Variants in C8orf34 observed in about 807,000 individuals in gnomAD.
C8orf34 encodes uncharacterized protein C8orf34.
Under a neutral mutation model 68.3 loss-of-function variants are expected in C8orf34, and 65 were observed. The ratio of observed to expected loss-of-function variants is 0.95; its 90% CI spans 0.78 to 1.17. The LOEUF is 1.17. Ranked by LOEUF, C8orf34 falls within the 50% of genes most tolerant of loss-of-function variation. The pLI is 0.00. For synonymous variants in C8orf34, 244 were observed against 241.2 expected, an observed-to-expected ratio of 1.01 and a Z score of -0.11; for missense variants, 664 against 655.4, an observed-to-expected ratio of 1.01 and a Z score of -0.14.
intron 7 of C8orf34, among the ~76,000 whole-genome samples, chr8:68,612,500 C>T (rs1302045139): frequency 6.6e-6 from 1 of 152,054 alleles, no homozygotes; most frequent in Non-Finnish European, 1.5e-5. Flanking sequence ...TCAAGAAAAA[C>T]CTTTTGATTG....
intron 3 of C8orf34, among the ~76,000 whole-genome samples, chr8:68,455,095 T>C (rs1214344792): frequency 6.6e-6 from 1 of 152,162 alleles, no homozygotes; most frequent in Non-Finnish European, 1.5e-5. Flanking sequence ...TTTATTCTTT[T>C]GTTGTCAGAG....
At chr8:68,810,546 G>A (rs1186960436) in intron 12 of C8orf34, among the ~76,000 whole-genome samples, 4 of 152,148 alleles carry the variant, frequency 2.6e-5, no homozygotes, top group African/African-American at 9.7e-5. Flanking sequence ...GTGAGTGAGG[G>A]GCATGTCTCA....
intron 5 of C8orf34, among the ~76,000 whole-genome samples, chr8:68,496,772 T>A (rs1454952172): frequency 6.6e-6 from 1 of 152,182 alleles, no homozygotes; most frequent in Non-Finnish European, 1.5e-5. Context: ...AATTGGAGAA[T>A]GTTCTGGGGA....
At chr8:68,624,470 T>C (rs1037173052) in intron 7 of C8orf34, among the ~76,000 whole-genome samples, 1 of 152,162 alleles carries the variant, frequency 6.6e-6, no homozygotes, top group African/African-American at 2.4e-5. Context: ...CCCTTAGCTC[T>C]AAATTTAGAC....
At chr8:68,780,885 G>A (rs1585872423) in intron 11 of C8orf34, among the ~76,000 whole-genome samples, 1 of 152,142 alleles carries the variant, frequency 6.6e-6, no homozygotes, top group Non-Finnish European at 1.5e-5. Flanking sequence ...TCATTTTAAC[G>A]GAAGTGATTT....
intron 8 of C8orf34, among the ~76,000 whole-genome samples, chr8:68,659,788 A>T (rs113286885): frequency 6.6e-6 from 1 of 152,176 alleles, no homozygotes; most frequent in Non-Finnish European, 1.5e-5. Context: ...GCTCTTCATG[A>T]GTCCTGTACA....
At chr8:68,526,633 T>A (rs1304391022) in intron 6 of C8orf34, among the ~76,000 whole-genome samples, 1 of 149,994 alleles carries the variant, frequency 6.7e-6, no homozygotes, top group African/African-American at 2.5e-5. Context: ...TCATGACCTC[T>A]TCAACTTCCA....
chr8:68,726,299 A>G (rs992313854), intron 10 of C8orf34, among the ~76,000 whole-genome samples: 2 of 152,200 alleles, frequency 1.3e-5, no homozygotes, highest in African/African-American at 4.8e-5. Flanking sequence ...GTAGTTTTTC[A>G]TGAGAGAAAG....
chr8:68,793,599 G>A (rs1314182246), intron 12 of C8orf34, among the ~76,000 whole-genome samples: 1 of 152,178 alleles, frequency 6.6e-6, no homozygotes, highest in East Asian at 1.9e-4. Flanking sequence ...TCACTTATAA[G>A]TGGGAGCTGA....
chr8:68,475,681 T>A (rs1211272938), intron 4 of C8orf34, among the ~76,000 whole-genome samples: 1 of 152,000 alleles, frequency 6.6e-6, no homozygotes, highest in Non-Finnish European at 1.5e-5. Context: ...TAAATAAACA[T>A]CCTAAAAGCT....
intron 8 of C8orf34, among the ~76,000 whole-genome samples, chr8:68,679,853 G>T (rs936027899): frequency 6.6e-6 from 1 of 152,134 alleles, no homozygotes; most frequent in African/African-American, 2.4e-5. Flanking sequence ...TCAATAAATG[G>T]TGCTGGGAAA....
chr8:68,526,792 C>G (rs1265494220), intron 6 of C8orf34, among the ~76,000 whole-genome samples: 1 of 151,532 alleles, frequency 6.6e-6, no homozygotes, highest in Non-Finnish European at 1.5e-5. Context: ...CCAAAAAGAA[C>G]GCATGGAATC....
intron 1 of C8orf34, among the ~76,000 whole-genome samples, chr8:68,390,587 A>G (rs1221131092): frequency 6.6e-6 from 1 of 151,968 alleles, no homozygotes; most frequent in African/African-American, 2.4e-5. Context: ...TTCTTTGGCT[A>G]TGGGAATTTT....
intron 12 of C8orf34, among the ~76,000 whole-genome samples, chr8:68,803,989 G>A (rs979407758): frequency 2.0e-5 from 3 of 152,024 alleles, no homozygotes; most frequent in African/African-American, 7.2e-5. Context: ...ATTTAGTTTG[G>A]TAGTTCGTGA....
intron 8 of C8orf34, among the ~76,000 whole-genome samples, chr8:68,657,613 G>A (rs1272485293): frequency 6.6e-6 from 1 of 152,154 alleles, no homozygotes; most frequent in Non-Finnish European, 1.5e-5. Flanking sequence ...TAAATGAAAA[G>A]CAATTGCTTC....
chr8:68,707,362 C>A (rs747879894), intron 8 of C8orf34, among the ~76,000 whole-genome samples: 2 of 152,124 alleles, frequency 1.3e-5, no homozygotes, highest in Non-Finnish European at 2.9e-5. Context: ...AGCCATTGGT[C>A]TCTTCAACTG....
chr8:68,406,938 C>G (rs1809222694), intron 1 of C8orf34, among the ~76,000 whole-genome samples: 1 of 152,066 alleles, frequency 6.6e-6, no homozygotes, highest in Non-Finnish European at 1.5e-5. Context: ...GCATGGCTCA[C>G]AGAGAGGAGA....
chr8:68,490,267 T>A (rs1184165751), intron 5 of C8orf34, among the ~76,000 whole-genome samples: 11 of 152,250 alleles, frequency 7.2e-5, no homozygotes, highest in Admixed American at 7.2e-4. Context: ...CCTGGCTGCC[T>A]GAGCCATAAA....
intron 1 of C8orf34, among the ~76,000 whole-genome samples, chr8:68,362,344 A>G (rs1480848991): frequency 6.6e-6 from 1 of 152,160 alleles, no homozygotes; most frequent in Non-Finnish European, 1.5e-5. Flanking sequence ...CCAAGATTAT[A>G]TTTGCTTAAT....
Sources: gnomAD v4.1 joint callset for allele counts (sites outside exome capture counted in the v4.1 genomes callset) on GRCh38, gnomAD v4.1.1 for gene constraint, MANE v1.5 for transcripts, NCBI Gene and HGNC (gene_info 2026-07-23, HGNC 2026-07-21) for gene names.